The following CLTC variants were observed in gnomAD, a reference collection of about 807,000 sequenced individuals.
The protein encoded by CLTC is clathrin heavy chain 1.
CLTC carries 16 observed loss-of-function variants against 195.8 expected under a neutral mutation model. That is an observed-to-expected ratio of 0.08 (90% CI 0.06 to 0.12). The LOEUF (loss-of-function observed/expected upper bound fraction) is 0.12, where lower values mean the gene tolerates loss of function less well. Ranked by LOEUF, CLTC falls within the 10% of genes least tolerant of loss-of-function variation. The probability of loss-of-function intolerance (pLI) is 1.00; values close to 1 mark genes in which losing one functional copy is unlikely to be tolerated. For synonymous variants in CLTC, 667 were observed against 689.4 expected (o/e 0.97, Z 0.51); for missense variants, 796 against 2,027.0 (o/e 0.39, Z 11.66).
rs771297670 is a variant in CLTC, at chr17:59,681,196, C to A, written c.3066-99C>A. The A allele has an allele frequency of 6.9e-7, 1 of 1,448,422 alleles. No individual in the cohort carries two copies. The highest frequency in any genetic ancestry group is 9.4e-7 in the Non-Finnish European group (1 of 1,065,052). The allele number at this position is 1,448,422 out of a possible 1,614,324, so 89.7% of individuals were successfully genotyped here. The stretch of plus-strand genomic sequence containing the variant: ...TTCTAATATCCTCCCCCCTACCCTA[C>A]CTCTTGAGACAAAAACCTCTCCGTT... On this transcript the variant is annotated intron_variant, in intron 19 of 31. Transcript: ENST00000269122. This position sits in a 1 kb window ranked among gnomAD's most constrained non-coding sequence, Gnocchi z 5.0.
Position 59,694,985 on chromosome 17 carries a change from G to T in CLTC, c.*1133G>T, listed in dbSNP as rs932235447. On this transcript the variant is annotated 3_prime_UTR_variant, in exon 32 of 32. Transcript: ENST00000269122. ...AAAGAACCAGAGTCACTACTATAGTGGCTTAACATTTAATCTGTCTCCAAT... is the reference window on the plus strand; with the variant it reads ...AAAGAACCAGAGTCACTACTATAGTTGCTTAACATTTAATCTGTCTCCAAT... 2 of 216,094 alleles carry T rather than the reference G, an allele frequency of 9.3e-6. No individual in the cohort carries two copies. The highest frequency in any genetic ancestry group is 1.9e-5 in the Non-Finnish European group (2 of 107,164). The allele number at this position is 216,094 out of a possible 1,614,324, so 13.4% of individuals were successfully genotyped here.
intron 6 of CLTC, among the ~76,000 whole-genome samples, chr17:59,656,610 A>G (rs1307357796): frequency 6.6e-6 from 1 of 152,028 alleles, no homozygotes; most frequent in Non-Finnish European, 1.5e-5. Flanking sequence ...TCATTTTTGA[A>G]AAACCTCTTC....
chr17:59,627,354 G>A (rs574016094), intron 1 of CLTC, among the ~76,000 whole-genome samples: 1 of 152,340 alleles, frequency 6.6e-6, no homozygotes, highest in South Asian at 2.1e-4. Context: ...TAATTAGCAA[G>A]AGAACCCTTG....
chr17:59,641,946 C>T (rs949208884), intron 1 of CLTC, among the ~76,000 whole-genome samples: 1 of 150,800 alleles, frequency 6.6e-6, no homozygotes, highest in African/African-American at 2.4e-5. Flanking sequence ...TCTCAGCCTC[C>T]CAAAGTGCTG....
chr17:59,675,142 GT>G (rs1479410424), intron 16 of CLTC, among the ~76,000 whole-genome samples: 1 of 152,122 alleles, frequency 6.6e-6, no homozygotes, highest in African/African-American at 2.4e-5. Flanking sequence ...TAAGTCTCCT[GT>G]TTAGGTGTGA....
chr17:59,687,867 A>G (rs1415648839), intron 30 of CLTC, among the ~76,000 whole-genome samples: 1 of 152,192 alleles, frequency 6.6e-6, no homozygotes, highest in Non-Finnish European at 1.5e-5. Context: ...GCTTGTCTCC[A>G]TCCCAATATA....
chr17:59,631,883 T>G (rs564247910), intron 1 of CLTC, among the ~76,000 whole-genome samples: 2 of 150,806 alleles, frequency 1.3e-5, no homozygotes, highest in African/African-American at 4.9e-5. Context: ...GGTGGATGGA[T>G]CACCTGAGCC....
intron 14 of CLTC, among the ~76,000 whole-genome samples, chr17:59,671,505 T>C (rs1215319179): frequency 2.6e-5 from 4 of 152,164 alleles, no homozygotes; most frequent in Non-Finnish European, 5.9e-5. Context: ...AATAAAGAGA[T>C]TGGTAGAACA....
intron 10 of CLTC, among the ~76,000 whole-genome samples, chr17:59,665,704 G>A (rs1376195066): frequency 2.6e-5 from 4 of 152,066 alleles, no homozygotes; most frequent in Admixed American, 2.0e-4. Context: ...AGCTAGGTGT[G>A]GTGGCAGACG....
At chr17:59,662,382 T>C (rs2143545394) in intron 8 of CLTC, among the ~76,000 whole-genome samples, 1 of 152,310 alleles carries the variant, frequency 6.6e-6, no homozygotes, top group South Asian at 2.1e-4. Flanking sequence ...TTATTCCTTA[T>C]GTGGAATAGT....
chr17:59,650,578 C>G (rs2032305632), intron 4 of CLTC, among the ~76,000 whole-genome samples: 1 of 150,782 alleles, frequency 6.6e-6, no homozygotes, highest in Non-Finnish European at 1.5e-5. Flanking sequence ...ACCTCCACCT[C>G]CTGGGTTCAA....
chr17:59,676,800 C>T (rs1159050839), intron 16 of CLTC, among the ~76,000 whole-genome samples, 154 bp from the exon 17 acceptor site: 1 of 152,130 alleles, frequency 6.6e-6, no homozygotes, highest in Admixed American at 6.5e-5. Flanking sequence ...AGCCACTGCA[C>T]TTCAGCCTGG....
At chr17:59,669,724 CTATA>C (rs34435388) in intron 14 of CLTC, among the ~76,000 whole-genome samples, 3 of 93,358 alleles carry the variant, frequency 3.2e-5, no homozygotes, top group African/African-American at 8.0e-5. Context: ...TGTGTGTACA[CTATA>C]TATATATATA....
chr17:59,639,960 T>G (rs1333700152), intron 1 of CLTC, among the ~76,000 whole-genome samples: 1 of 152,006 alleles, frequency 6.6e-6, no homozygotes, highest in African/African-American at 2.4e-5. Flanking sequence ...TCTCAATAAA[T>G]AAAGAATAAA....
rs751379004 is a variant in CLTC, at chr17:59,685,248, G to C, written c.4605+22G>C. On this transcript the variant is annotated intron_variant, in intron 29 of 31. Transcript: ENST00000269122. This position sits in a 1 kb window ranked among gnomAD's most constrained non-coding sequence, Gnocchi z 5.0. ...CAAGGTTGATAAAGTTGCGGGGCAG[G>C]GGCTGTTTTAAACCAGGCCTAAAAT... 36 of 1,561,016 alleles carry C rather than the reference G, an allele frequency of 2.3e-5. No homozygotes were observed. The highest frequency in any genetic ancestry group is 2.6e-5 in the Non-Finnish European group (30 of 1,149,024).
At chr17:59,664,657 C>T (rs2032687394) in intron 9 of CLTC, 130 bp from the exon 10 acceptor site, 1 of 904,876 alleles carries the variant, frequency 1.1e-6, no homozygotes, top group Admixed American at 2.9e-5. Context: ...TAACTGGGCA[C>T]CTTAAATTGA....
At position 59,685,345 on chromosome 17, in the gene CLTC, A is replaced by G. The variant is rs2033161676; in HGVS notation, c.4605+119A>G. On this transcript the variant is annotated intron_variant, in intron 29 of 31. Transcript: ENST00000269122. The surrounding 1 kb of genome is among the most constrained non-coding windows in gnomAD (Gnocchi z 5.0). ...GAATATGAGAGCTGACTTTAAGGCA[A>G]TTTAAGTTAATGGATTTCTTGATTC... 1 of 1,011,828 alleles carries G rather than the reference A, an allele frequency of 9.9e-7. No homozygotes were observed. The allele number at this position is 1,011,828 out of a possible 1,614,324, so 62.7% of individuals were successfully genotyped here.
rs1267316770 is a variant in CLTC at position 59,676,827 on chromosome 17, C to CG, written c.2562-121dup. 9 of 700,186 alleles carry CG rather than the reference C, an allele frequency of 1.3e-5. No individual in the cohort carries two copies. The East Asian group carries it at 1.4e-4, about 11-fold the overall frequency. The allele number at this position is 700,186 out of a possible 1,614,324, so 43.4% of individuals were successfully genotyped here. On this transcript the variant is annotated intron_variant, in intron 16 of 31. Coordinates refer to ENST00000269122, the MANE Select transcript of CLTC (RefSeq NM_004859.4). ...TCAGCCTGGACAATGTAGCAATACT[C>CG]GGGGGGCGGGGAAAAAGTATGTGAA...
intron 30 of CLTC, among the ~76,000 whole-genome samples, chr17:59,688,611 T>G (rs1436656366): frequency 6.6e-6 from 1 of 152,212 alleles, no homozygotes; most frequent in Non-Finnish European, 1.5e-5. Context: ...ATCAAACTTT[T>G]TGCTTAGCTT....
Sources: allele counts gnomAD v4.1 joint callset (sites outside exome capture counted in the v4.1 genomes callset), GRCh38; gene constraint gnomAD v4.1.1; non-coding constraint Gnocchi (gnomAD v3.1); transcripts MANE v1.5; gene names NCBI Gene and HGNC (gene_info 2026-07-23, HGNC 2026-07-21).